TNRC6A: variants seen among roughly 807,000 people sequenced by gnomAD.
TNRC6A encodes the protein trinucleotide repeat-containing gene 6A protein.
TNRC6A carries 44 observed loss-of-function variants against 221.2 expected under a neutral mutation model. That is an observed-to-expected ratio of 0.20 (90% CI 0.16 to 0.26). The LOEUF (loss-of-function observed/expected upper bound fraction) is 0.26. Ranked by LOEUF, TNRC6A falls within the 10% of genes least tolerant of loss-of-function variation. The probability of loss-of-function intolerance (pLI) is 1.00; values close to 1 mark genes in which losing one functional copy is unlikely to be tolerated. For missense variants in TNRC6A, 2,199 were observed against 2,404.4 expected, an observed-to-expected ratio of 0.91 and a Z score of 1.79; for synonymous variants, 847 against 838.5, an observed-to-expected ratio of 1.01 and a Z score of -0.18.
chr16:24,754,241 A>G (rs943105590), intron 3 of TNRC6A, among the ~76,000 whole-genome samples: 1 of 152,222 alleles, frequency 6.6e-6, no homozygotes, highest in Non-Finnish European at 1.5e-5. Context: ...ACAATTAGAC[A>G]CCGACGAGCC....
chr16:24,725,291 G>A (rs138354663), upstream of TNRC6A, among the ~76,000 whole-genome samples: 552 of 152,102 alleles, frequency 3.6e-3, 4 homozygotes, highest in Middle Eastern at 0.01. Flanking sequence ...TCCCACCTCA[G>A]CCTCCTGAGT....
Position 24,790,715 on chromosome 16 carries a change from G to A in TNRC6A, c.2073G>A (p.Gln691=). 4 of 1,614,184 alleles carry A rather than the reference G, an allele frequency of 2.5e-6. No individual in the cohort carries two copies. The highest frequency in any genetic ancestry group is 2.5e-6 in the Non-Finnish European group (3 of 1,180,034). ...RLEEKGTGES[Q]SRDRRKIDQH... ...AGGAAAAAGGAACTGGGGAAAGTCA[G>A]AGTAGAGACAGAAGAAAAATTGATC... The change falls in exon 6 of 25, where the codon CAG becomes CAA. Residue 691 remains glutamine, a synonymous_variant. Transcript: ENST00000395799.
rs912621448 is a variant in TNRC6A at position 24,825,683 on chromosome 16, T to G, written c.*1876T>G. 6.6e-6 allele frequency: 1 copy of G among 152,664 alleles called. No homozygotes were observed. Among genetic ancestry groups the G allele is most frequent in the African/African-American group, 2.4e-5 (1 of 41,458 alleles). 9.5% of individuals were successfully genotyped at this position (152,664 alleles called of 1,614,324 possible). A position where few individuals can be genotyped will look rare whatever the true frequency, so the allele number is the denominator to read the frequency against. On this transcript the variant is annotated 3_prime_UTR_variant, in exon 25 of 25. Coordinates refer to ENST00000395799, the MANE Select transcript of TNRC6A (RefSeq NM_014494.4). ...CCCTCTCTGAGCATCTTTGGGATCTTGTTGCTCAAAACTCTTCTGTGACTT... is the reference window on the plus strand; with the variant it reads ...CCCTCTCTGAGCATCTTTGGGATCTGGTTGCTCAAAACTCTTCTGTGACTT...
At position 24,806,773 on chromosome 16, in the gene TNRC6A, A is replaced by C; in HGVS notation, c.4529A>C (p.Asn1510Thr). Reference protein sequence around the residue: ...KGPSPINAFSNFPIGLNSNLN... With the variant: ...KGPSPINAFSTFPIGLNSNLN... ...CCATCACCAATAAATGCTTTCAGCA[A>C]CTTCCCTATAGGTGGGTTTCTCCTT... The change falls in exon 17 of 25, where the codon AAC becomes ACC. Residue 1510 changes from asparagine to threonine, a missense_variant. This residue lies in a region of TNRC6A where 449 missense variants were observed against 579.7 expected (regional missense o/e 0.77). Transcript: ENST00000395799. 1.9e-6 allele frequency: 3 copies of C among 1,614,186 alleles called. No homozygotes were observed. Among genetic ancestry groups the C allele is most frequent in the Non-Finnish European group, 2.5e-6 (3 of 1,180,034 alleles).
chr16:24,804,655 C>G (rs763673858), intron 12 of TNRC6A, 50 bp from the exon 13 acceptor site: 2 of 1,536,198 alleles, frequency 1.3e-6, no homozygotes, highest in Admixed American at 4.7e-5. Context: ...TTTCTCCCTT[C>G]CACTTGTTTG....
chr16:24,628,624 A>G (rs1444451475), intron 1 of TNRC6A, among the ~76,000 whole-genome samples: 1 of 152,058 alleles, frequency 6.6e-6, no homozygotes, highest in Non-Finnish European at 1.5e-5. Context: ...TAGTAAATCT[A>G]TTTTTATTTC....
chr16:24,666,652 A>AT (rs2055170820), intron 2 of TNRC6A, among the ~76,000 whole-genome samples: 1 of 121,610 alleles, frequency 8.2e-6, no homozygotes, highest in African/African-American at 3.5e-5. Context: ...AAAAAAAAAA[A>AT]AAAAAAAAAA....
upstream of TNRC6A, among the ~76,000 whole-genome samples, chr16:24,727,336 CA>C (rs2056509835): frequency 6.6e-6 from 1 of 152,022 alleles, no homozygotes. Context: ...GCCAAGAAAT[CA>C]TATCTTATTA....
At chr16:24,762,871 T>A (rs965839329) in intron 4 of TNRC6A, among the ~76,000 whole-genome samples, 3 of 152,206 alleles carry the variant, frequency 2.0e-5, no homozygotes, top group African/African-American at 7.2e-5. Context: ...ACACCATTGC[T>A]CATGCTGCAA....
At chr16:24,796,231 CAAG>C (rs924280432) in intron 9 of TNRC6A, 7 of 345,600 alleles carry the variant, frequency 2.0e-5, no homozygotes, top group Non-Finnish European at 3.1e-5. Context: ...GAAGAAGTGA[CAAG>C]AGATCTGGCT....
chr16:24,625,541 A>G (rs1291619594), intron 1 of TNRC6A, among the ~76,000 whole-genome samples: 1 of 151,688 alleles, frequency 6.6e-6, no homozygotes, highest in African/African-American at 2.4e-5. Flanking sequence ...CTGGCTAACA[A>G]GGTGAAACCC....
At position 24,794,845 on chromosome 16, in the gene TNRC6A, A is replaced by G. The variant is rs972281071; in HGVS notation, c.3528+126A>G. On this transcript the variant is annotated intron_variant, in intron 8 of 24. Transcript: ENST00000395799. Reference sequence around the variant, plus strand: ...AGTCCAGGCAGCCCCCACCTTAGGTATAGCCACTTGTATGGGCAGCCACCT... The same window carrying G: ...AGTCCAGGCAGCCCCCACCTTAGGTGTAGCCACTTGTATGGGCAGCCACCT... 15 of 790,752 alleles carry G rather than the reference A, an allele frequency of 1.9e-5. No individual in the cohort carries two copies. In the South Asian group the frequency reaches 3.1e-4, roughly 16 times the overall value. 49.0% of individuals were successfully genotyped at this position (790,752 alleles called of 1,614,324 possible). A position where few individuals can be genotyped will look rare whatever the true frequency, so the allele number is the denominator to read the frequency against.
At chr16:24,641,297 C>T (rs1029745688) in intron 2 of TNRC6A, among the ~76,000 whole-genome samples, 2 of 152,162 alleles carry the variant, frequency 1.3e-5, no homozygotes, top group East Asian at 3.9e-4. Flanking sequence ...CTCTTCCAGC[C>T]ATTCTGCGAC....
chr16:24,655,961 G>A (rs930671833), intron 2 of TNRC6A, among the ~76,000 whole-genome samples: 3 of 149,642 alleles, frequency 2.0e-5, no homozygotes, highest in African/African-American at 7.4e-5. Flanking sequence ...GCAACCTACG[G>A]AGACCCTTGT....
At chr16:24,818,145 G>A (rs1185340645) in intron 20 of TNRC6A, among the ~76,000 whole-genome samples, 1 of 152,180 alleles carries the variant, frequency 6.6e-6, no homozygotes, top group Non-Finnish European at 1.5e-5. Context: ...AATATATCGC[G>A]TAATGGAGAA....
At position 24,823,107 on chromosome 16, in the gene TNRC6A, G is replaced by A. The variant is rs2058800303; in HGVS notation, c.5513+94G>A. ...GGGGCAGTGCACAGGGTCCTGCGTG[G>A]GTGGCTCCTGCTGGCTGCAGTAGTG... is the stretch of plus-strand genomic sequence containing the variant. On this transcript the variant is annotated intron_variant, in intron 24 of 24. Coordinates refer to ENST00000395799, the MANE Select transcript of TNRC6A (RefSeq NM_014494.4). This position sits in a 1 kb window ranked among gnomAD's most constrained non-coding sequence, Gnocchi z 4.3. 6.5e-7 allele frequency: 1 copy of A among 1,538,716 alleles called. No individual in the cohort carries two copies. The highest frequency in any genetic ancestry group is 8.9e-7 in the Non-Finnish European group (1 of 1,124,970).
intron 4 of TNRC6A, among the ~76,000 whole-genome samples, chr16:24,767,083 C>G (rs760919925): frequency 1.3e-5 from 2 of 152,186 alleles, no homozygotes; most frequent in Non-Finnish European, 2.9e-5. Flanking sequence ...ATAATAAACT[C>G]ATTAACATTT....
At chr16:24,811,042 A>ACT (rs1381646503) in intron 18 of TNRC6A, among the ~76,000 whole-genome samples, 2 of 152,180 alleles carry the variant, frequency 1.3e-5, no homozygotes, top group Non-Finnish European at 2.9e-5. Flanking sequence ...CGCAGGCAGA[A>ACT]AAGAATAGGT....
At chr16:24,700,242 CTT>C (rs904319866) in intron 2 of TNRC6A, among the ~76,000 whole-genome samples, 3 of 148,876 alleles carry the variant, frequency 2.0e-5, no homozygotes, top group African/African-American at 4.9e-5. Context: ...CTGAATTTTT[CTT>C]TTTTTTTTTG....
Sources: allele counts gnomAD v4.1 joint callset (sites outside exome capture counted in the v4.1 genomes callset), GRCh38; gene constraint gnomAD v4.1.1; regional missense constraint gnomAD v4.1.1; non-coding constraint Gnocchi (gnomAD v3.1); transcripts MANE v1.5; gene names NCBI Gene and HGNC (gene_info 2026-07-23, HGNC 2026-07-21).